PRKN: variants seen among roughly 807,000 people sequenced by gnomAD.
The protein encoded by PRKN is parkin RBR E3 ubiquitin protein ligase, also known as E3 ubiquitin-protein ligase parkin.
Under a neutral mutation model 59.5 loss-of-function variants are expected in PRKN, and 56 were observed. That is an observed-to-expected ratio of 0.94 (90% CI 0.76 to 1.18). The LOEUF is 1.18. Ranked by LOEUF, PRKN falls within the 50% of genes most tolerant of loss-of-function variation. The pLI is 0.00. For missense variants in PRKN, 657 were observed against 596.4 expected (o/e 1.10, Z -1.06); for synonymous variants, 250 against 222.1 (o/e 1.13, Z -1.12).
At position 162,035,880 on chromosome 6, in the gene PRKN, T is replaced by C. The variant is rs76899398; in HGVS notation, c.618+18211A>G. 4.1e-3 allele frequency among the ~76,000 whole-genome samples: 632 copies of C among 152,310 alleles called. 4 individuals are homozygous for C. The highest frequency in any genetic ancestry group is 0.014 in the African/African-American group (590 of 41,578). Reference sequence around the variant, plus strand: ...TGAGAAATAAGTAACATTAGATTCATAGAAACCCTTCACACTAAAATAAAA... The same window carrying C: ...TGAGAAATAAGTAACATTAGATTCACAGAAACCCTTCACACTAAAATAAAA... On this transcript the variant is annotated intron_variant, in intron 5 of 11. Coordinates refer to ENST00000366898, the MANE Select transcript of PRKN (RefSeq NM_004562.3).
chr6:162,014,898 A>T lies in PRKN; in HGVS notation c.618+39193T>A, dbSNP rs181885199. On this transcript the variant is annotated intron_variant, in intron 5 of 11. Coordinates refer to ENST00000366898, the MANE Select transcript of PRKN (RefSeq NM_004562.3). ...CATGCCTTTTTCCCAGCTGCATAGTACTCTATTGAATGGTTGTACTCTCCC... is the reference window on the plus strand; with the variant it reads ...CATGCCTTTTTCCCAGCTGCATAGTTCTCTATTGAATGGTTGTACTCTCCC... Among the ~76,000 whole-genome samples, 91 of 151,148 alleles carry T rather than the reference A, an allele frequency of 6.0e-4. 1 individual carries two copies. In the Middle Eastern group the frequency reaches 0.02, roughly 34 times the overall value.
At chr6:162,362,040 C>T (rs1785166775) in intron 2 of PRKN, among the ~76,000 whole-genome samples, 1 of 152,124 alleles carries the variant, frequency 6.6e-6, no homozygotes, top group Admixed American at 6.5e-5. Context: ...CATTCTACAC[C>T]GTGTGTGTTA....
chr6:161,875,203 A>ATTTTT (rs1433123448), intron 6 of PRKN, among the ~76,000 whole-genome samples: 1 of 144,344 alleles, frequency 6.9e-6, no homozygotes, highest in African/African-American at 2.7e-5. Context: ...ATATGTATAC[A>ATTTTT]TTTTTTTCTG....
chr6:162,716,828 T>C (rs1361546354), intron 1 of PRKN, among the ~76,000 whole-genome samples: 5 of 151,838 alleles, frequency 3.3e-5, no homozygotes, highest in Non-Finnish European at 2.9e-5. Flanking sequence ...TGTGTAACAC[T>C]ACTGCATTAC....
At chr6:161,868,991 A>G (rs763120759) in intron 6 of PRKN, among the ~76,000 whole-genome samples, 12 of 152,210 alleles carry the variant, frequency 7.9e-5, no homozygotes, top group Non-Finnish European at 1.3e-4. Flanking sequence ...CATAATAAAT[A>G]GTCTATAAAT....
At chr6:161,604,580 A>T (rs1198419420) in intron 7 of PRKN, among the ~76,000 whole-genome samples, 1 of 152,216 alleles carries the variant, frequency 6.6e-6, no homozygotes, top group Admixed American at 6.5e-5. Flanking sequence ...CAGGCCACGG[A>T]TTTGATCCTA....
At chr6:162,593,978 G>C (rs1009358033) in intron 1 of PRKN, among the ~76,000 whole-genome samples, 1 of 152,016 alleles carries the variant, frequency 6.6e-6, no homozygotes, top group Admixed American at 6.6e-5. Flanking sequence ...GCAAAAGCCC[G>C]CCTCTACTAA....
At chr6:162,055,837 G>A (rs559878180) in intron 4 of PRKN, among the ~76,000 whole-genome samples, 24 of 151,860 alleles carry the variant, frequency 1.6e-4, no homozygotes, top group Non-Finnish European at 3.1e-4. Flanking sequence ...TGTAGCAGAT[G>A]CTGAGGAAAA....
chr6:162,235,338 A>G lies in PRKN; in HGVS notation c.412+27187T>C, dbSNP rs192940191. Reference sequence around the variant, plus strand: ...AGGCGATGTTTAATATTGTTTGAATATCTATGTGACTTGCAGCACTATCAT... The same window carrying G: ...AGGCGATGTTTAATATTGTTTGAATGTCTATGTGACTTGCAGCACTATCAT... On this transcript the variant is annotated intron_variant, in intron 3 of 11. Coordinates refer to ENST00000366898, the MANE Select transcript of PRKN (RefSeq NM_004562.3). Among the ~76,000 whole-genome samples, 245 of 152,286 alleles carry G rather than the reference A, an allele frequency of 1.6e-3. 1 individual carries two copies. The highest frequency in any genetic ancestry group is 5.5e-3 in the African/African-American group (228 of 41,560).
At chr6:162,090,167 G>GGT (rs753748519) in intron 4 of PRKN, among the ~76,000 whole-genome samples, 4 of 151,548 alleles carry the variant, frequency 2.6e-5, no homozygotes, top group East Asian at 3.9e-4. Flanking sequence ...TCTGTGTACA[G>GGT]GTGTGTGTGT....
At chr6:161,801,767 C>T (rs571053530) in intron 6 of PRKN, among the ~76,000 whole-genome samples, 38 of 152,242 alleles carry the variant, frequency 2.5e-4, no homozygotes, top group Non-Finnish European at 4.6e-4. Flanking sequence ...AGATGTGAGG[C>T]GCAGGGAAGG....
At position 161,804,254 on chromosome 6, in the gene PRKN, C is replaced by T. The variant is rs1201613316; in HGVS notation, c.735-18346G>A. On this transcript the variant is annotated intron_variant, in intron 6 of 11. Coordinates refer to ENST00000366898, the MANE Select transcript of PRKN (RefSeq NM_004562.3). ...CCCAAGAGGAGAGAGGACAATGGGG[C>T]CTGAATGAACTTGGGGTGATGCAGC... is the stretch of plus-strand genomic sequence containing the variant. 2.0e-5 allele frequency among the ~76,000 whole-genome samples: 3 copies of T among 152,206 alleles called. No homozygotes were observed. In the East Asian group the frequency reaches 5.8e-4, roughly 29 times the overall value.
rs182713832 is a variant in PRKN, at chr6:161,522,206, G to T, written c.1083+26648C>A. 8.1e-4 allele frequency among the ~76,000 whole-genome samples: 123 copies of T among 152,284 alleles called. 1 individual carries two copies. Among genetic ancestry groups the T allele is most frequent in the Admixed American group, 1.7e-3 (26 of 15,300 alleles). On this transcript the variant is annotated intron_variant, in intron 9 of 11. Coordinates refer to ENST00000366898, the MANE Select transcript of PRKN (RefSeq NM_004562.3). Reference sequence around the variant, plus strand: ...AAAATCCATTAATAAAGTGTTTGTTGTTGTCAGAATGCCTATTCCAAAGCT... The same window carrying T: ...AAAATCCATTAATAAAGTGTTTGTTTTTGTCAGAATGCCTATTCCAAAGCT...
intron 9 of PRKN, among the ~76,000 whole-genome samples, chr6:161,494,686 C>T (rs1270927640): frequency 6.6e-6 from 1 of 152,156 alleles, no homozygotes; most frequent in African/African-American, 2.4e-5. Flanking sequence ...CTGATTTAAT[C>T]AGTATGAAAA....
In PRKN at chr6:161,527,538, G is replaced by A. The variant is rs1001935745; in HGVS notation, c.1083+21316C>T. On this transcript the variant is annotated intron_variant, in intron 9 of 11. Coordinates refer to ENST00000366898, the MANE Select transcript of PRKN (RefSeq NM_004562.3). The surrounding 1 kb of genome is among the most constrained non-coding windows in gnomAD (Gnocchi z 4.6). ...AAGATGCCTTCTGCTACCAAGTGCT[G>A]TGGCCTCTCTCTGCCTGAGGGGTGG... Among the ~76,000 whole-genome samples, 1 of 152,216 alleles carries A rather than the reference G, an allele frequency of 6.6e-6. No homozygotes were observed. The highest frequency in any genetic ancestry group is 2.4e-5 in the African/African-American group (1 of 41,446).
chr6:162,335,195 T>G (rs1176277708), intron 2 of PRKN, among the ~76,000 whole-genome samples: 3 of 111,242 alleles, frequency 2.7e-5, no homozygotes, highest in Admixed American at 8.6e-5. Context: ...TTTCTTTTTC[T>G]TTTTTTTTTT....
At chr6:162,188,664 C>T (rs1022995016) in intron 4 of PRKN, among the ~76,000 whole-genome samples, 1 of 151,986 alleles carries the variant, frequency 6.6e-6, no homozygotes, top group African/African-American at 2.4e-5. Context: ...ATACTCTGTC[C>T]CTTTTTAATG....
intron 7 of PRKN, among the ~76,000 whole-genome samples, chr6:161,739,050 G>A (rs1309923539): frequency 3.9e-5 from 6 of 152,178 alleles, no homozygotes; most frequent in Non-Finnish European, 7.3e-5. Flanking sequence ...TCCTCTTAAC[G>A]TGATTTAAGC....
intron 7 of PRKN, among the ~76,000 whole-genome samples, chr6:161,691,953 A>T (rs527509670): frequency 3.3e-5 from 5 of 151,604 alleles, no homozygotes; most frequent in African/African-American, 1.2e-4. Context: ...CACTGTCATC[A>T]CACACTTTGA....
Sources: allele counts gnomAD v4.1 joint callset (sites outside exome capture counted in the v4.1 genomes callset), GRCh38; gene constraint gnomAD v4.1.1; non-coding constraint Gnocchi (gnomAD v3.1); transcripts MANE v1.5; gene names NCBI Gene and HGNC (gene_info 2026-07-23, HGNC 2026-07-21).